Variants in MLLT10 observed in about 807,000 individuals in gnomAD.
MLLT10 encodes protein AF-10.
Under a neutral mutation model 129.1 loss-of-function variants are expected in MLLT10, and 30 were observed. That is an observed-to-expected ratio of 0.23 (90% confidence interval 0.17 to 0.32). The LOEUF is 0.32. Ranked by LOEUF, MLLT10 falls within the 10% of genes least tolerant of loss-of-function variation. The pLI is 1.00. For missense variants in MLLT10, 1,119 were observed against 1,268.3 expected, an observed-to-expected ratio of 0.88 and a Z score of 1.79; for synonymous variants, 490 against 446.4, an observed-to-expected ratio of 1.10 and a Z score of -1.23.
At chr10:21,704,022 T>G (rs1291754634) in intron 13 of MLLT10, among the ~76,000 whole-genome samples, 20 of 132,394 alleles carry the variant, frequency 1.5e-4, no homozygotes, top group African/African-American at 2.8e-4. Context: ...TTTTGTTTTT[T>G]TTTTTTTTTT....
intron 13 of MLLT10, among the ~76,000 whole-genome samples, chr10:21,683,209 C>T (rs751362715): frequency 4.6e-5 from 7 of 151,914 alleles, no homozygotes; most frequent in Non-Finnish European, 8.8e-5. Context: ...GGGTAGGGGT[C>T]GTTAGGGTGG....
At chr10:21,689,337 A>G (rs898082974) in intron 13 of MLLT10, among the ~76,000 whole-genome samples, 1 of 151,810 alleles carries the variant, frequency 6.6e-6, no homozygotes, top group African/African-American at 2.4e-5. Flanking sequence ...AACTTCTTTA[A>G]TGGTCAGTAG....
chr10:21,708,312 T>C (rs2055729055), intron 13 of MLLT10, among the ~76,000 whole-genome samples: 1 of 152,350 alleles, frequency 6.6e-6, no homozygotes, highest in Non-Finnish European at 1.5e-5. Context: ...TCATGCATTG[T>C]AACATTTAGC....
intron 3 of MLLT10, chr10:21,551,800 C>CTTTT: frequency 2.3e-5 from 8 of 346,736 alleles, no homozygotes; most frequent in Non-Finnish European, 2.8e-5. Flanking sequence ...GTCTCTCTCT[C>CTTTT]TTTTTTTTTT....
chr10:21,603,948 G>A (rs1743127479), intron 5 of MLLT10, among the ~76,000 whole-genome samples: 1 of 151,742 alleles, frequency 6.6e-6, no homozygotes, highest in Non-Finnish European at 1.5e-5. Context: ...TTAGGGTCCT[G>A]CCCTACTCCA....
intron 5 of MLLT10, among the ~76,000 whole-genome samples, chr10:21,604,701 T>C (rs184503197): frequency 5.8e-4 from 88 of 152,218 alleles, no homozygotes; most frequent in African/African-American, 2.0e-3. Flanking sequence ...CCAAAAGAGA[T>C]AAATTGGAAG....
chr10:21,547,627 T>C (rs1439854590), intron 3 of MLLT10, among the ~76,000 whole-genome samples: 1 of 151,938 alleles, frequency 6.6e-6, no homozygotes, highest in African/African-American at 2.4e-5. Flanking sequence ...TTCAAGTGAT[T>C]CTCATGGGTT....
At chr10:21,685,222 C>G (rs576089751) in intron 13 of MLLT10, among the ~76,000 whole-genome samples, 1 of 152,206 alleles carries the variant, frequency 6.6e-6, no homozygotes, top group South Asian at 2.1e-4. Context: ...ATCATTTATT[C>G]TAGCAACTGA....
chr10:21,702,059 T>G (rs2054983335), intron 13 of MLLT10, among the ~76,000 whole-genome samples: 1 of 152,084 alleles, frequency 6.6e-6, no homozygotes, highest in African/African-American at 2.4e-5. Flanking sequence ...CCCGAGTAGC[T>G]AGGACTACAG....
intron 3 of MLLT10, among the ~76,000 whole-genome samples, chr10:21,552,306 A>C (rs955842413): frequency 6.7e-6 from 1 of 150,154 alleles, no homozygotes; most frequent in South Asian, 2.1e-4. Context: ...TCTGTGATTA[A>C]TATTTGTTCT....
intron 11 of MLLT10, among the ~76,000 whole-genome samples, chr10:21,674,963 C>G (rs561161006): frequency 2.4e-5 from 3 of 123,908 alleles, no homozygotes; most frequent in South Asian, 2.4e-4. Context: ...GTAGTAACTT[C>G]AATAAACAAA....
chr10:21,597,371 ATT>A (rs1483012356), intron 5 of MLLT10, among the ~76,000 whole-genome samples: 3 of 151,900 alleles, frequency 2.0e-5, no homozygotes, highest in Non-Finnish European at 4.4e-5. Context: ...CTTTTTATTT[ATT>A]TTTATTTTTA....
intron 3 of MLLT10, among the ~76,000 whole-genome samples, chr10:21,583,392 G>A (rs1368538771): frequency 6.6e-6 from 1 of 152,078 alleles, no homozygotes; most frequent in Non-Finnish European, 1.5e-5. Flanking sequence ...GGTTTGATAG[G>A]GTGATCAGAA....
chr10:21,665,252 T>C (rs2050653698), intron 9 of MLLT10, among the ~76,000 whole-genome samples: 1 of 143,370 alleles, frequency 7.0e-6, no homozygotes, highest in South Asian at 2.4e-4. Context: ...GGCCTGAAGT[T>C]AATTTAACTT....
At chr10:21,577,165 T>G (rs1170518035) in intron 3 of MLLT10, among the ~76,000 whole-genome samples, 2 of 152,256 alleles carry the variant, frequency 1.3e-5, no homozygotes, top group Non-Finnish European at 2.9e-5. Flanking sequence ...CCTAGCATAA[T>G]GTACAAGCAT....
At chr10:21,625,378 T>G (rs997480623) in intron 8 of MLLT10, 1 of 788,374 alleles carries the variant, frequency 1.3e-6, no homozygotes, top group East Asian at 2.4e-5. Context: ...GTTCTCCAAA[T>G]TCAGAAAATG....
At chr10:21,648,776 C>G (rs915594080) in intron 8 of MLLT10, among the ~76,000 whole-genome samples, 2 of 152,102 alleles carry the variant, frequency 1.3e-5, no homozygotes, top group African/African-American at 2.4e-5. Flanking sequence ...TTGCACATGG[C>G]TGGGGAGGCC....
intron 5 of MLLT10, among the ~76,000 whole-genome samples, chr10:21,606,928 A>G (rs945115294): frequency 6.6e-6 from 1 of 152,220 alleles, no homozygotes; most frequent in African/African-American, 2.4e-5. Context: ...CTACAGAGCA[A>G]TGTTTTATGA....
intron 4 of MLLT10, among the ~76,000 whole-genome samples, chr10:21,587,554 A>G (rs1311654083): frequency 2.0e-5 from 3 of 151,724 alleles, no homozygotes; most frequent in African/African-American, 7.3e-5. Context: ...ATATTTTTCT[A>G]CAGCTCAGTA....
Sources: allele counts gnomAD v4.1 joint callset (sites outside exome capture counted in the v4.1 genomes callset), GRCh38; gene constraint gnomAD v4.1.1; transcripts MANE v1.5; gene names NCBI Gene and HGNC (gene_info 2026-07-23, HGNC 2026-07-21).